Variants in ADGRA1 observed in about 807,000 individuals in gnomAD.
ADGRA1 encodes the protein adhesion G protein-coupled receptor A1, also known as G-protein coupled receptor 123.
In ADGRA1, 12 loss-of-function variants were observed where a neutral mutation model predicts 21.3. The ratio of observed to expected loss-of-function variants is 0.56; its 90% CI spans 0.36 to 0.91. The LOEUF (loss-of-function observed/expected upper bound fraction) is 0.91. Among genes scored for constraint, ADGRA1 ranks in the 40% least tolerant of loss-of-function variants. The pLI is 0.01. For synonymous variants in ADGRA1, 385 were observed against 368.8 expected, an observed-to-expected ratio of 1.04 and a Z score of -0.50; for missense variants, 790 against 805.6, an observed-to-expected ratio of 0.98 and a Z score of 0.23.
At position 133,102,159 on chromosome 10, in the gene ADGRA1, C is replaced by T. The variant is rs116181273; in HGVS notation, c.256-538C>T. 2,221 of 450,134 alleles carry T rather than the reference C, an allele frequency of 4.9e-3. 12 individuals carry two copies. The highest frequency in any genetic ancestry group is 0.017 in the Middle Eastern group (38 of 2,234). 27.9% of individuals were successfully genotyped at this position (450,134 alleles called of 1,614,324 possible). The stretch of plus-strand genomic sequence containing the variant: ...GCGACCTGCAGGGCCACACGAATGC[C>T]GGCCCCGTGGGGGGCTCATCCCACC... On this transcript the variant is annotated intron_variant, in intron 4 of 6. Transcript: ENST00000392607.
chr10:133,123,594 C>T (rs1852316837), intron 5 of ADGRA1, among the ~76,000 whole-genome samples: 1 of 152,188 alleles, frequency 6.6e-6, no homozygotes, highest in Non-Finnish European at 1.5e-5. Flanking sequence ...GCTGCTGTGG[C>T]CACGGTGAAA....
rs776693044 is a variant in ADGRA1 at position 133,128,757 on chromosome 10, G to A, written c.929G>A (p.Arg310His). The A allele has an allele frequency of 1.2e-6, 2 of 1,611,824 alleles. No homozygotes were observed. The highest frequency in any genetic ancestry group is 1.7e-6 in the Non-Finnish European group (2 of 1,179,488). The change falls in exon 7 of 7, where the codon CGT becomes CAT. Residue 310 changes from arginine (R) to histidine (H), a missense_variant. By Grantham distance (29) the Arg-to-His change is conservative. Transcript: ENST00000392607. ...LFVLIHHCAK[R>H]EDVWQCWWAC... ...GTGCTCATCCACCACTGCGCCAAGCGTGAGGACGTGTGGCAGTGCTGGTGG... is the reference window on the plus strand; with the variant it reads ...GTGCTCATCCACCACTGCGCCAAGCATGAGGACGTGTGGCAGTGCTGGTGG...
At chr10:133,124,771 C>T (rs1490281009) in intron 5 of ADGRA1, among the ~76,000 whole-genome samples, 1 of 152,246 alleles carries the variant, frequency 6.6e-6, no homozygotes, top group Non-Finnish European at 1.5e-5. Flanking sequence ...GAGGCTGTTG[C>T]GAGGGGCCCA....
Position 133,088,962 on chromosome 10 carries a change from G to C in ADGRA1, c.3+50G>C, listed in dbSNP as rs368615525. 13 of 1,235,384 alleles carry C rather than the reference G, an allele frequency of 1.1e-5. No individual in the cohort carries two copies. The South Asian group carries it at 1.2e-4, about 12-fold the overall frequency. The allele number at this position is 1,235,384 out of a possible 1,614,324, so 76.5% of individuals were successfully genotyped here. ...CTGCAGCTGGGGGCTAGGCCGCTGC[G>C]GGGGGGCGGCCACCCGTATGGGGAC... is the stretch of plus-strand genomic sequence containing the variant. On this transcript the variant is annotated intron_variant, in intron 2 of 6. Coordinates refer to ENST00000392607, the MANE Select transcript of ADGRA1 (RefSeq NM_001083909.3).
intron 5 of ADGRA1, among the ~76,000 whole-genome samples, chr10:133,121,654 TGTGGTGTGTGCCA>T: frequency 6.9e-6 from 1 of 144,190 alleles, no homozygotes; most frequent in African/African-American, 2.6e-5. Flanking sequence ...TGTGCATGTG[TGTGGTGTGTGCCA>T]GTGTGCATGT....
chr10:133,102,704 T>A lies in ADGRA1; in HGVS notation c.263T>A (p.Ile88Asn). The change falls in exon 5 of 7, where the codon ATC (isoleucine) becomes AAC (asparagine). Residue 88 changes from isoleucine to asparagine, a missense_variant. This residue lies in a region of ADGRA1 where 382 missense variants were observed against 415.6 expected (regional missense o/e 0.92). Coordinates refer to ENST00000392607, the MANE Select transcript of ADGRA1 (RefSeq NM_001083909.3). ...KYPILCQAVG[I>N]VLHYSTLSTM... is the part of the protein sequence containing the mutation. The stretch of plus-strand genomic sequence containing the variant: ...ACCGCTGCTCCCCCACAGGTGGGCA[T>A]CGTGCTGCACTATTCTACACTGTCC... The A allele has an allele frequency of 6.3e-7, 1 of 1,597,696 alleles. No individual in the cohort carries two copies. Among genetic ancestry groups the A allele is most frequent in the Non-Finnish European group, 8.6e-7 (1 of 1,167,854 alleles).
At chr10:133,118,883 CATACACTT>C (rs1045221589) in intron 5 of ADGRA1, among the ~76,000 whole-genome samples, 6 of 151,668 alleles carry the variant, frequency 4.0e-5, no homozygotes, top group African/African-American at 1.5e-4. Context: ...CACATGCACT[CATACACTT>C]ACACTCACAC....
At chr10:133,099,110 A>T (rs11101922) in intron 4 of ADGRA1, among the ~76,000 whole-genome samples, 1 of 66,046 alleles carries the variant, frequency 1.5e-5, no homozygotes, top group East Asian at 6.2e-4. Context: ...GACACAGCCC[A>T]CCCCTCCAGG....
intron 2 of ADGRA1, among the ~76,000 whole-genome samples, chr10:133,092,463 C>T (rs1394557778): frequency 1.3e-5 from 2 of 152,174 alleles, no homozygotes; most frequent in East Asian, 1.9e-4. Flanking sequence ...AAAATCATAA[C>T]GCACCTTACA....
Position 133,087,968 on chromosome 10 carries a change from G to C in ADGRA1, c.-373G>C, listed in dbSNP as rs1048436612. The stretch of plus-strand genomic sequence containing the variant: ...TGGCCGGGCTGGGCCGCTCGTGCGC[G>C]GGGCTGTGACTCACCGGCCGGCGCC... On this transcript the variant is annotated 5_prime_UTR_variant, in exon 1 of 7. Coordinates refer to ENST00000392607, the MANE Select transcript of ADGRA1 (RefSeq NM_001083909.3). 1.5e-5 allele frequency: 15 copies of C among 984,686 alleles called. No homozygotes were observed. Among genetic ancestry groups the C allele is most frequent in the Non-Finnish European group, 1.4e-5 (12 of 829,768 alleles). The allele number at this position is 984,686 out of a possible 1,614,324, so 61.0% of individuals were successfully genotyped here.
At chr10:133,121,469 C>T (rs931714469) in intron 5 of ADGRA1, among the ~76,000 whole-genome samples, 9 of 141,578 alleles carry the variant, frequency 6.4e-5, no homozygotes, top group Admixed American at 3.6e-4. Flanking sequence ...TGTCAGTGTG[C>T]GTGTGTGCAT....
intron 4 of ADGRA1, among the ~76,000 whole-genome samples, chr10:133,100,467 G>A (rs1050603187): frequency 6.6e-5 from 10 of 152,184 alleles, no homozygotes; most frequent in Admixed American, 2.6e-4. Flanking sequence ...CCGCGCCTTC[G>A]GGAACACCTG....
intron 5 of ADGRA1, among the ~76,000 whole-genome samples, chr10:133,120,601 T>C (rs962720279): frequency 6.6e-6 from 1 of 152,212 alleles, no homozygotes; most frequent in Non-Finnish European, 1.5e-5. Flanking sequence ...TTTTTTCTGC[T>C]GCACCTCTCT....
chr10:133,127,584 G>C (rs1852400770), intron 6 of ADGRA1, among the ~76,000 whole-genome samples: 2 of 152,112 alleles, frequency 1.3e-5, no homozygotes, highest in South Asian at 4.1e-4. Flanking sequence ...TCTATGGGAG[G>C]GGCCTGGGGA....
At chr10:133,094,539 T>C (rs1436186064) in intron 2 of ADGRA1, among the ~76,000 whole-genome samples, 1 of 152,074 alleles carries the variant, frequency 6.6e-6, no homozygotes, top group Non-Finnish European at 1.5e-5. Context: ...AGAGGACGCG[T>C]GAGGGCCCGG....
intron 2 of ADGRA1, among the ~76,000 whole-genome samples, chr10:133,095,435 A>T (rs1304219766): frequency 1.3e-5 from 2 of 151,480 alleles, no homozygotes; most frequent in East Asian, 3.9e-4. Flanking sequence ...GATTCTAAAC[A>T]CTCCCCGGAA....
intron 5 of ADGRA1, among the ~76,000 whole-genome samples, chr10:133,115,264 G>A (rs1391751109): frequency 1.3e-5 from 2 of 152,204 alleles, no homozygotes; most frequent in Non-Finnish European, 2.9e-5. Context: ...CTAGGCAGGG[G>A]TGGCGCAGGC....
intron 5 of ADGRA1, among the ~76,000 whole-genome samples, chr10:133,121,530 T>C (rs1172788730): frequency 1.4e-5 from 2 of 146,650 alleles, no homozygotes; most frequent in South Asian, 2.2e-4. Context: ...CCTGTGCATG[T>C]CCAGTGTGCC....
chr10:133,113,926 A>G (rs1422028251), intron 5 of ADGRA1, among the ~76,000 whole-genome samples: 1 of 152,204 alleles, frequency 6.6e-6, no homozygotes, highest in Admixed American at 6.5e-5. Context: ...CGTGAGCTTT[A>G]CAGATGGGGA....
Sources: allele counts gnomAD v4.1 joint callset (sites outside exome capture counted in the v4.1 genomes callset), GRCh38; gene constraint gnomAD v4.1.1; regional missense constraint gnomAD v4.1.1; transcripts MANE v1.5; gene names NCBI Gene and HGNC (gene_info 2026-07-23, HGNC 2026-07-21).